The following TMEM117 variants were observed in gnomAD, a reference collection of about 807,000 sequenced individuals.
The protein encoded by TMEM117 is transmembrane protein 117.
TMEM117 carries 27 observed loss-of-function variants against 52.4 expected under a neutral mutation model. The ratio of observed to expected loss-of-function variants is 0.51; its 90% CI spans 0.38 to 0.71. TMEM117 has a LOEUF of 0.71. Among genes scored for constraint, TMEM117 ranks in the 30% least tolerant of loss-of-function variants. The pLI is 0.00. For missense variants in TMEM117, 556 were observed against 630.5 expected (o/e 0.88, Z 1.26); for synonymous variants, 215 against 206.3 (o/e 1.04, Z -0.36).
intron 3 of TMEM117, among the ~76,000 whole-genome samples, chr12:44,093,712 C>T (rs147773817): frequency 7.2e-6 from 1 of 138,448 alleles, no homozygotes; most frequent in African/African-American, 2.8e-5. Flanking sequence ...TTACTCATTA[C>T]TTTTTCTTAG....
intron 5 of TMEM117, among the ~76,000 whole-genome samples, chr12:44,243,800 C>T (rs1950094864): frequency 6.6e-6 from 1 of 151,748 alleles, no homozygotes; most frequent in Non-Finnish European, 1.5e-5. Flanking sequence ...CCTCCCACCT[C>T]TGGCAACAAT....
chr12:44,348,045 A>G (rs980630638), intron 6 of TMEM117, among the ~76,000 whole-genome samples: 1 of 152,008 alleles, frequency 6.6e-6, no homozygotes, highest in Non-Finnish European at 1.5e-5. Context: ...AGAGTCCTAC[A>G]TGGACATCAT....
downstream of TMEM117, among the ~76,000 whole-genome samples, chr12:44,390,364 C>T (rs1952155272): frequency 6.6e-6 from 1 of 152,018 alleles, no homozygotes; most frequent in Admixed American, 6.6e-5. Context: ...ACTTTTAGCT[C>T]TGGGACATGT....
At chr12:44,016,356 T>A (rs1487462974) in intron 3 of TMEM117, among the ~76,000 whole-genome samples, 2 of 152,210 alleles carry the variant, frequency 1.3e-5, no homozygotes, top group African/African-American at 2.4e-5. Flanking sequence ...GACCTAACTT[T>A]GGGAATTCAC....
intron 3 of TMEM117, among the ~76,000 whole-genome samples, chr12:44,122,964 T>TAGG (rs1948261956): frequency 1.3e-5 from 2 of 152,226 alleles, no homozygotes; most frequent in Admixed American, 1.3e-4. Context: ...TTTCTGCCTC[T>TAGG]AGGTCTTTGA....
At chr12:43,980,538 T>C (rs1015980532) in intron 3 of TMEM117, among the ~76,000 whole-genome samples, 1 of 152,246 alleles carries the variant, frequency 6.6e-6, no homozygotes. Flanking sequence ...TGATAACTGT[T>C]GTCCCATGAT....
At chr12:44,323,432 T>C (rs1951158472) in intron 6 of TMEM117, among the ~76,000 whole-genome samples, 1 of 152,176 alleles carries the variant, frequency 6.6e-6, no homozygotes, top group Non-Finnish European at 1.5e-5. Flanking sequence ...TTATTATTAG[T>C]TAGATGGATC....
rs376633884 is a variant in TMEM117, at chr12:44,262,112, CA to C, written c.609-37463del. Reference sequence around the variant, plus strand: ...CAGAGACTTTCCTGAATATTTTATGCAAAAAGTAAGTCCTGCCTTTAAAATA... The same window carrying C: ...CAGAGACTTTCCTGAATATTTTATGCAAAAGTAAGTCCTGCCTTTAAAATA... On this transcript the variant is annotated intron_variant, in intron 5 of 7. Transcript: ENST00000266534. Among the ~76,000 whole-genome samples, 33 of 152,094 alleles carry C rather than the reference CA, an allele frequency of 2.2e-4. No individual in the cohort carries two copies. In the East Asian group the frequency reaches 5.8e-3, roughly 27 times the overall value.
intron 3 of TMEM117, among the ~76,000 whole-genome samples, chr12:44,132,094 T>C (rs1393537752): frequency 6.6e-6 from 1 of 151,990 alleles, no homozygotes; most frequent in Non-Finnish European, 1.5e-5. Flanking sequence ...TGGATAAGAA[T>C]TAGGGAGACG....
rs74983358 is a variant in TMEM117, at chr12:43,838,381, A to G, written c.-29+2185A>G. Among the ~76,000 whole-genome samples the G allele has an allele frequency of 4.9e-4, 74 of 152,026 alleles. No individual in the cohort carries two copies. The East Asian group carries it at 0.014, about 28-fold the overall frequency. ...CCCCATACCACTAATAGACAAAAAC[A>G]GAAATGATGTTTTGCCACCTGAGAT... On this transcript the variant is annotated intron_variant, in intron 1 of 7. Coordinates refer to ENST00000266534, the MANE Select transcript of TMEM117 (RefSeq NM_032256.3).
At chr12:44,042,760 CT>C (rs1946819750) in intron 3 of TMEM117, among the ~76,000 whole-genome samples, 1 of 88,868 alleles carries the variant, frequency 1.1e-5, no homozygotes, top group Non-Finnish European at 2.0e-5. Flanking sequence ...CCTTAATAAA[CT>C]ACACACACAC....
intron 5 of TMEM117, among the ~76,000 whole-genome samples, chr12:44,254,199 A>G (rs756543715): frequency 5.3e-5 from 8 of 152,106 alleles, no homozygotes; most frequent in Non-Finnish European, 8.8e-5. Context: ...ATTGAACTAC[A>G]TAAAATATAT....
chr12:43,888,388 T>C (rs1215365007), intron 2 of TMEM117, among the ~76,000 whole-genome samples: 1 of 152,212 alleles, frequency 6.6e-6, no homozygotes, highest in Non-Finnish European at 1.5e-5. Flanking sequence ...ATTTTATAAT[T>C]ATGTGCTCTT....
intron 5 of TMEM117, among the ~76,000 whole-genome samples, chr12:44,245,230 T>C (rs1950114369): frequency 6.6e-6 from 1 of 151,990 alleles, no homozygotes; most frequent in Admixed American, 6.6e-5. Context: ...TCTCTTTCTG[T>C]GAAGAATGCC....
chr12:44,138,192 A>G (rs1057143667), intron 3 of TMEM117, among the ~76,000 whole-genome samples: 5 of 152,074 alleles, frequency 3.3e-5, no homozygotes, highest in Admixed American at 6.6e-5. Flanking sequence ...AGAAATCCCC[A>G]TAGTGTCAAT....
chr12:44,045,284 G>C (rs1946862950), intron 3 of TMEM117, among the ~76,000 whole-genome samples: 1 of 152,196 alleles, frequency 6.6e-6, no homozygotes, highest in Non-Finnish European at 1.5e-5. Context: ...CAGCAGTAGA[G>C]ACCAACACTG....
At chr12:44,191,069 G>T (rs1215726460) in intron 4 of TMEM117, among the ~76,000 whole-genome samples, 1 of 151,618 alleles carries the variant, frequency 6.6e-6, no homozygotes, top group African/African-American at 2.4e-5. Context: ...GCGTGACTAG[G>T]GAGGCCTCAG....
intron 3 of TMEM117, among the ~76,000 whole-genome samples, chr12:44,077,092 G>T (rs1947394445): frequency 6.6e-6 from 1 of 152,112 alleles, no homozygotes; most frequent in African/African-American, 2.4e-5. Flanking sequence ...CAAGTTCCTG[G>T]GGAGTTAACA....
chr12:44,117,947 A>T (rs1013109833), intron 3 of TMEM117, among the ~76,000 whole-genome samples: 3 of 151,820 alleles, frequency 2.0e-5, no homozygotes, highest in Non-Finnish European at 4.4e-5. Context: ...TATTTTTGTA[A>T]ATTGTGATCT....
Sources: gnomAD v4.1 joint callset for allele counts (sites outside exome capture counted in the v4.1 genomes callset) on GRCh38, gnomAD v4.1.1 for gene constraint, MANE v1.5 for transcripts, NCBI Gene and HGNC (gene_info 2026-07-23, HGNC 2026-07-21) for gene names.